Variants in SCEL observed in about 807,000 individuals in gnomAD.
SCEL encodes sciellin.
A neutral mutation model predicts 117.6 loss-of-function variants in SCEL; 113 were observed. The ratio of observed to expected loss-of-function variants is 0.96; its 90% CI spans 0.83 to 1.12. The LOEUF is 1.12. Ranked by LOEUF, SCEL falls within the 50% of genes most tolerant of loss-of-function variation. The pLI, the probability that SCEL is intolerant of heterozygous loss-of-function variation, is 0.00. For synonymous variants in SCEL, 270 were observed against 256.2 expected (o/e 1.05, Z -0.51); for missense variants, 785 against 810.8 (o/e 0.97, Z 0.39).
At chr13:77,593,276 G>C (rs182028887) in intron 11 of SCEL, among the ~76,000 whole-genome samples, 2 of 108,846 alleles carry the variant, frequency 1.8e-5, no homozygotes, top group African/African-American at 1.0e-4. Context: ...GTGTGTGTGT[G>C]TGTGTGTGTG....
chr13:77,551,051 A>C (rs1319581103), intron 1 of SCEL, among the ~76,000 whole-genome samples: 1 of 152,212 alleles, frequency 6.6e-6, no homozygotes, highest in African/African-American at 2.4e-5. Flanking sequence ...GCAGCAGCCT[A>C]GTCTTGCAGT....
In SCEL at chr13:77,589,189, T is replaced by G; in HGVS notation, c.591T>G (p.Pro197=). The G allele has an allele frequency of 1.2e-6, 2 of 1,613,208 alleles. No homozygotes were observed. The highest frequency in any genetic ancestry group is 1.7e-6 in the Non-Finnish European group (2 of 1,179,246). Residue 197 remains proline, a synonymous_variant, in exon 10 of 33, where the codon CCT becomes CCG. Transcript: ENST00000349847. ...HPPIPPKPSS[P]VSSPNQLRQD... ...CAATACCTCCAAAGCCCAGTTCTCC[T>G]GTTTCTTCTCCTAACCAGCTGAGAC...
At chr13:77,565,212 T>C (rs2085221225) in intron 5 of SCEL, among the ~76,000 whole-genome samples, 1 of 152,216 alleles carries the variant, frequency 6.6e-6, no homozygotes, top group African/African-American at 2.4e-5. Context: ...TAGGTCATTC[T>C]CAGCCTTAGC....
intron 28 of SCEL, among the ~76,000 whole-genome samples, chr13:77,633,031 A>G (rs567032473): frequency 1.3e-5 from 2 of 152,350 alleles, no homozygotes; most frequent in South Asian, 2.1e-4. Context: ...AAAAAGGGCA[A>G]TGTTAGCTAA....
intron 12 of SCEL, among the ~76,000 whole-genome samples, chr13:77,596,619 A>C (rs150717755): frequency 3.1e-4 from 47 of 152,168 alleles, no homozygotes; most frequent in Non-Finnish European, 5.7e-4. Flanking sequence ...TTAACAAGGA[A>C]ACTTGAATGC....
chr13:77,549,455 T>C (rs189332442), intron 1 of SCEL, among the ~76,000 whole-genome samples: 9 of 152,348 alleles, frequency 5.9e-5, no homozygotes, highest in African/African-American at 2.2e-4. Flanking sequence ...TATCACATTC[T>C]CTTATTGTCA....
At position 77,601,538 on chromosome 13, in the gene SCEL, A is replaced by C. The variant is rs1299500430; in HGVS notation, c.918-527A>C. Among the ~76,000 whole-genome samples the C allele has an allele frequency of 2.0e-5, 3 of 152,202 alleles. No homozygotes were observed. The East Asian group carries it at 5.8e-4, about 29-fold the overall frequency. ...TAATTTTTAATCATTAGCATGTGAA[A>C]GTTTTATTTCATTTATATAAAGTGC... On this transcript the variant is annotated intron_variant, in intron 15 of 32. Transcript: ENST00000349847.
At chr13:77,634,157 A>G (rs968168924) in intron 28 of SCEL, among the ~76,000 whole-genome samples, 1 of 152,236 alleles carries the variant, frequency 6.6e-6, no homozygotes, top group Non-Finnish European at 1.5e-5. Context: ...TTTTGTAACA[A>G]TGCTTAGGAA....
At chr13:77,559,658 A>G in intron 3 of SCEL, 146 bp from the exon 4 acceptor site, 1 of 643,108 alleles carries the variant, frequency 1.6e-6, no homozygotes, top group South Asian at 1.9e-5. Context: ...GTTAAAATAG[A>G]TACATAATTT....
chr13:77,593,855 T>G (rs1488100578), intron 12 of SCEL, among the ~76,000 whole-genome samples: 1 of 152,120 alleles, frequency 6.6e-6, no homozygotes, highest in African/African-American at 2.4e-5. Context: ...GTCCTGTATT[T>G]ATGTTGCTGG....
Position 77,552,450 on chromosome 13 carries a change from A to G in SCEL, c.-19-3407A>G, listed in dbSNP as rs1326070895. 1.9e-3 allele frequency among the ~76,000 whole-genome samples: 293 copies of G among 151,544 alleles called. 1 individual carries two copies. Among genetic ancestry groups the G allele is most frequent in the African/African-American group, 6.1e-3 (252 of 41,164 alleles). ...TTGCATTTCTCTGATGGCCAGTGAT[A>G]GTGAGCATTTTTTCATGTGTTTTTT... is the stretch of plus-strand genomic sequence containing the variant. On this transcript the variant is annotated intron_variant, in intron 1 of 32. Transcript: ENST00000349847.
At chr13:77,613,066 G>A in intron 23 of SCEL, 125 bp downstream of exon 23, 2 of 607,448 alleles carry the variant, frequency 3.3e-6, no homozygotes, top group East Asian at 3.2e-5. Context: ...ACAAGTTGAT[G>A]TGTAATAATG....
chr13:77,539,263 A>G (rs988858140), intron 1 of SCEL, among the ~76,000 whole-genome samples: 9 of 150,694 alleles, frequency 6.0e-5, no homozygotes, highest in Admixed American at 6.0e-4. Context: ...ATGTAATTAT[A>G]TATTATATAC....
chr13:77,554,376 G>A (rs1194269850), intron 1 of SCEL, among the ~76,000 whole-genome samples: 1 of 152,166 alleles, frequency 6.6e-6, no homozygotes, highest in African/African-American at 2.4e-5. Flanking sequence ...GCTTCAGACT[G>A]GTGAGGGGAA....
chr13:77,589,027 T>G (rs375272919), intron 9 of SCEL, 117 bp from the exon 10 acceptor site: 2 of 721,622 alleles, frequency 2.8e-6, no homozygotes, highest in East Asian at 2.6e-5. Context: ...ACCTCACACA[T>G]GGGGGTTGTA....
chr13:77,570,588 G>A (rs759304956), intron 8 of SCEL, among the ~76,000 whole-genome samples: 1 of 152,230 alleles, frequency 6.6e-6, no homozygotes, highest in Non-Finnish European at 1.5e-5. Flanking sequence ...CAGCGGCTCA[G>A]AGAATAGACC....
At chr13:77,594,623 G>A (rs2087114090) in intron 12 of SCEL, among the ~76,000 whole-genome samples, 1 of 152,148 alleles carries the variant, frequency 6.6e-6, no homozygotes, top group Non-Finnish European at 1.5e-5. Flanking sequence ...ATTTGCATAA[G>A]TGTGTTACCT....
intron 24 of SCEL, among the ~76,000 whole-genome samples, chr13:77,615,439 C>T (rs150122890): frequency 1.3e-5 from 2 of 152,170 alleles, no homozygotes; most frequent in Admixed American, 6.6e-5. Context: ...ATGGCCAGGA[C>T]GTGTTTTTTA....
At chr13:77,538,399 A>G (rs2083525522) in intron 1 of SCEL, among the ~76,000 whole-genome samples, 1 of 152,170 alleles carries the variant, frequency 6.6e-6, no homozygotes, top group Non-Finnish European at 1.5e-5. Flanking sequence ...TTACAGGCAT[A>G]GCCAATGCGC....
Sources: gnomAD v4.1 joint callset for allele counts (sites outside exome capture counted in the v4.1 genomes callset) on GRCh38, gnomAD v4.1.1 for gene constraint, MANE v1.5 for transcripts, NCBI Gene and HGNC (gene_info 2026-07-23, HGNC 2026-07-21) for gene names.